MARCHF1: variants seen among roughly 807,000 people sequenced by gnomAD.
The protein encoded by MARCHF1 is E3 ubiquitin-protein ligase MARCHF1.
In MARCHF1, 40 loss-of-function variants were observed where a neutral mutation model predicts 54.2. That is an observed-to-expected ratio of 0.74 (90% CI 0.57 to 0.96). The LOEUF (loss-of-function observed/expected upper bound fraction) is 0.96. Among genes scored for constraint, MARCHF1 ranks in the 40% least tolerant of loss-of-function variants. MARCHF1 has a pLI of 0.00. For missense variants in MARCHF1, 586 were observed against 656.5 expected (o/e 0.89, Z 1.17); for synonymous variants, 236 against 236.3 (o/e 1.00, Z 0.01).
intron 1 of MARCHF1, among the ~76,000 whole-genome samples, chr4:164,219,394 T>A (rs569760513): frequency 6.6e-6 from 1 of 152,266 alleles, no homozygotes; most frequent in South Asian, 2.1e-4. Flanking sequence ...CTAAAACCAA[T>A]GATCTTCAAA....
intron 3 of MARCHF1, among the ~76,000 whole-genome samples, chr4:163,856,577 G>A (rs565706098): frequency 6.6e-6 from 1 of 152,302 alleles, no homozygotes; most frequent in South Asian, 2.1e-4. Flanking sequence ...TGTGATAGTT[G>A]CATTTCTACA....
At chr4:164,019,027 C>G (rs755112100) in intron 2 of MARCHF1, among the ~76,000 whole-genome samples, 3 of 152,204 alleles carry the variant, frequency 2.0e-5, no homozygotes, top group Non-Finnish European at 2.9e-5. Flanking sequence ...CTATTCTGCT[C>G]AGCTCTGTAT....
chr4:163,974,231 A>G (rs1752605854), intron 3 of MARCHF1, among the ~76,000 whole-genome samples: 1 of 152,232 alleles, frequency 6.6e-6, no homozygotes, highest in African/African-American at 2.4e-5. Flanking sequence ...GATGGTGGAA[A>G]TAAGACTGCA....
intron 2 of MARCHF1, among the ~76,000 whole-genome samples, chr4:163,989,343 A>G (rs1752930455): frequency 6.6e-6 from 1 of 152,090 alleles, no homozygotes; most frequent in African/African-American, 2.4e-5. Flanking sequence ...GCAATTGCAG[A>G]TGTCTTTTTC....
chr4:164,199,709 GAGA>G lies in MARCHF1; in HGVS notation c.-322-88050_-322-88048del, dbSNP rs1731400274. ...AGAGAGAGAGAGAGAGAGAGAGAGA[GAGA>G]AGAGAGGAGAAGAGAAGATAAAAGA... is the stretch of plus-strand genomic sequence containing the variant. On this transcript the variant is annotated intron_variant, in intron 1 of 9. Coordinates refer to ENST00000514618, the MANE Select transcript of MARCHF1 (RefSeq NM_001394959.1). Among the ~76,000 whole-genome samples, 3 of 144,356 alleles carry G rather than the reference GAGA, an allele frequency of 2.1e-5. No individual in the cohort carries two copies. The East Asian group carries it at 5.9e-4, about 29-fold the overall frequency. 94.7% of individuals were successfully genotyped at this position (144,356 alleles called of 152,430 possible).
chr4:164,097,345 T>C (rs1755438169), intron 2 of MARCHF1, among the ~76,000 whole-genome samples: 2 of 152,190 alleles, frequency 1.3e-5, no homozygotes, highest in South Asian at 4.1e-4. Context: ...GATCATCTCT[T>C]GAATCCTTAA....
At chr4:163,968,833 A>G (rs1041759350) in intron 3 of MARCHF1, among the ~76,000 whole-genome samples, 1 of 152,122 alleles carries the variant, frequency 6.6e-6, no homozygotes, top group Non-Finnish European at 1.5e-5. Context: ...CAACAAAATA[A>G]AGAGTAGACT....
chr4:164,038,687 G>T (rs1266829659), intron 2 of MARCHF1, among the ~76,000 whole-genome samples: 1 of 152,020 alleles, frequency 6.6e-6, no homozygotes, highest in East Asian at 1.9e-4. Flanking sequence ...ATTGTATTTG[G>T]CAAACTCCAA....
chr4:164,258,471 A>T (rs1254604883), intron 1 of MARCHF1, among the ~76,000 whole-genome samples: 2 of 151,704 alleles, frequency 1.3e-5, no homozygotes, highest in Non-Finnish European at 2.9e-5. Context: ...TTCACATTTA[A>T]TTATGGGTGT....
intron 1 of MARCHF1, among the ~76,000 whole-genome samples, chr4:164,133,692 A>G (rs1320854230): frequency 6.6e-6 from 1 of 152,212 alleles, no homozygotes; most frequent in Non-Finnish European, 1.5e-5. Context: ...TGATAGAAAC[A>G]TAGCCCAAAA....
intron 1 of MARCHF1, among the ~76,000 whole-genome samples, chr4:164,124,741 T>C (rs1021933323): frequency 6.6e-6 from 1 of 151,952 alleles, no homozygotes; most frequent in Non-Finnish European, 1.5e-5. Context: ...ATTGAACCCA[T>C]GGACACAGAG....
At chr4:164,242,636 T>G (rs1732807397) in intron 1 of MARCHF1, among the ~76,000 whole-genome samples, 1 of 151,568 alleles carries the variant, frequency 6.6e-6, no homozygotes, top group Admixed American at 6.6e-5. Flanking sequence ...GAGAATGACT[T>G]TGATGAGCTG....
chr4:164,188,877 A>T (rs1316602398), intron 1 of MARCHF1: 2 of 778,384 alleles, frequency 2.6e-6, no homozygotes, highest in Non-Finnish European at 4.8e-6. Context: ...AAGTTTACCC[A>T]TGCAGTTTTT....
intron 7 of MARCHF1, among the ~76,000 whole-genome samples, chr4:163,599,744 T>C (rs1384386265): frequency 6.6e-6 from 1 of 152,192 alleles, no homozygotes; most frequent in East Asian, 1.9e-4. Flanking sequence ...TCTGATTCCA[T>C]AGGTCTGGAT....
chr4:163,677,172 C>T (rs144864317), intron 5 of MARCHF1, among the ~76,000 whole-genome samples: 1 of 152,250 alleles, frequency 6.6e-6, no homozygotes, highest in East Asian at 1.9e-4. Context: ...TGTGATCAAG[C>T]AGACAAAAAA....
In MARCHF1 at chr4:163,644,392, G is replaced by T. The variant is rs796692193; in HGVS notation, c.163-30999C>A. 4.3e-3 allele frequency among the ~76,000 whole-genome samples: 658 copies of T among 152,236 alleles called. 2 individuals carry two copies. The highest frequency in any genetic ancestry group is 0.014 in the African/African-American group (596 of 41,548). The stretch of plus-strand genomic sequence containing the variant: ...GATTTACCTAAAGTGAGACAGGCTT[G>T]CCCACTTCAATCTTGATTGTGGACA... On this transcript the variant is annotated intron_variant, in intron 5 of 9. Transcript: ENST00000514618.
chr4:163,574,780 A>T (rs1739979848), intron 8 of MARCHF1, among the ~76,000 whole-genome samples: 1 of 151,952 alleles, frequency 6.6e-6, no homozygotes. Flanking sequence ...TTGGCTTAGG[A>T]TTGACTTGGC....
At chr4:163,912,779 C>G (rs960380511) in intron 3 of MARCHF1, among the ~76,000 whole-genome samples, 8 of 152,242 alleles carry the variant, frequency 5.3e-5, no homozygotes, top group Non-Finnish European at 2.9e-5. Flanking sequence ...GGCCTTAACT[C>G]CAGTCTGAAA....
At chr4:164,100,165 A>C (rs1755508900) in intron 2 of MARCHF1, among the ~76,000 whole-genome samples, 4 of 152,230 alleles carry the variant, frequency 2.6e-5, no homozygotes, top group African/African-American at 9.6e-5. Context: ...ATTCCAAATA[A>C]TGAAACTTTC....
Sources: allele counts gnomAD v4.1 joint callset (sites outside exome capture counted in the v4.1 genomes callset), GRCh38; gene constraint gnomAD v4.1.1; transcripts MANE v1.5; gene names NCBI Gene and HGNC (gene_info 2026-07-23, HGNC 2026-07-21).